The following KLHL29 variants were observed in gnomAD, a reference collection of about 807,000 sequenced individuals.
KLHL29 encodes the protein kelch-like protein 29.
KLHL29 carries 21 observed loss-of-function variants against 80.4 expected under a neutral mutation model. The ratio of observed to expected loss-of-function variants is 0.26; its 90% confidence interval spans 0.19 to 0.38. KLHL29 has a LOEUF of 0.38. Among genes scored for constraint, KLHL29 ranks in the 10% least tolerant of loss-of-function variants. The pLI is 1.00. For synonymous variants in KLHL29, 511 were observed against 526.8 expected (o/e 0.97, Z 0.41); for missense variants, 867 against 1,223.9 (o/e 0.71, Z 4.35).
At chr2:23,529,029 CCT>C (rs1253926150) in intron 2 of KLHL29, among the ~76,000 whole-genome samples, 2 of 152,202 alleles carry the variant, frequency 1.3e-5, no homozygotes, top group Non-Finnish European at 2.9e-5. Context: ...TCACTAGAAA[CCT>C]CTCTTTGGGG....
chr2:23,397,001 C>T (rs1666468425), intron 1 of KLHL29, among the ~76,000 whole-genome samples: 1 of 152,192 alleles, frequency 6.6e-6, no homozygotes, highest in Non-Finnish European at 1.5e-5. Flanking sequence ...GAGGCTTCCT[C>T]CCTGGCCCCA....
intron 2 of KLHL29, among the ~76,000 whole-genome samples, chr2:23,495,183 T>C (rs1476904687): frequency 2.0e-5 from 3 of 152,174 alleles, no homozygotes; most frequent in Non-Finnish European, 4.4e-5. Flanking sequence ...TCACTGTACC[T>C]GGCTGGAAAC....
intron 1 of KLHL29, among the ~76,000 whole-genome samples, chr2:23,402,512 C>T (rs548880047): frequency 9.1e-4 from 138 of 152,164 alleles, no homozygotes; most frequent in Non-Finnish European, 1.5e-3. Flanking sequence ...TCCCAGCGCC[C>T]CCATCCTTCC....
chr2:23,418,253 G>A (rs1662656027), intron 1 of KLHL29, among the ~76,000 whole-genome samples: 1 of 152,164 alleles, frequency 6.6e-6, no homozygotes, highest in South Asian at 2.1e-4. Flanking sequence ...CATGGAGCCA[G>A]GGCCTGATCC....
At position 23,638,085 on chromosome 2, in the gene KLHL29, T is replaced by TAAAAAA. The variant is rs553356362; in HGVS notation, c.286-1043_286-1038dup. ...TTCCTATTACATATAATGGCCATAG[T>TAAAAAA]AAAAAAAAAAAAAAAAGACAAATAC... On this transcript the variant is annotated intron_variant, in intron 3 of 13. Transcript: ENST00000486442. Among the ~76,000 whole-genome samples the TAAAAAA allele has an allele frequency of 1.6e-3, 175 of 111,574 alleles. 6 individuals are homozygous for TAAAAAA. Among genetic ancestry groups the TAAAAAA allele is most frequent in the African/African-American group, 3.9e-3 (115 of 29,594 alleles). The allele number at this position is 111,574 out of a possible 152,430, so 73.2% of individuals were successfully genotyped here. A position where few individuals can be genotyped will look rare whatever the true frequency, so the allele number is the denominator to read the frequency against.
intron 2 of KLHL29, among the ~76,000 whole-genome samples, chr2:23,496,841 G>A (rs1360523702): frequency 6.6e-6 from 1 of 152,222 alleles, no homozygotes; most frequent in Non-Finnish European, 1.5e-5. Flanking sequence ...TTCTGTGAGA[G>A]TCTCTCACAT....
At chr2:23,650,522 A>C (rs1289559243) in intron 5 of KLHL29, among the ~76,000 whole-genome samples, 1 of 152,186 alleles carries the variant, frequency 6.6e-6, no homozygotes, top group African/African-American at 2.4e-5. Context: ...TAGCCTCATC[A>C]GTCAGTGTTT....
rs1665656832 is a variant in KLHL29 at position 23,508,094 on chromosome 2, A to G, written c.-46+32427A>G. ...GCAGGGGCCTGGGTCTGAGGCCCCT[A>G]AGACCCCACGCTTAGGACAGGAAGG... On this transcript the variant is annotated intron_variant, in intron 2 of 13. Transcript: ENST00000486442. Among the ~76,000 whole-genome samples, 4 of 152,324 alleles carry G rather than the reference A, an allele frequency of 2.6e-5. No individual in the cohort carries two copies. In the South Asian group the frequency reaches 6.2e-4, roughly 24 times the overall value.
At chr2:23,578,994 A>G (rs1484632908) in intron 3 of KLHL29, among the ~76,000 whole-genome samples, 7 of 152,178 alleles carry the variant, frequency 4.6e-5, no homozygotes, top group Admixed American at 4.6e-4. Flanking sequence ...CATCGCCTCT[A>G]TCTGATGTTC....
At chr2:23,419,941 C>A (rs938639647) in intron 1 of KLHL29, among the ~76,000 whole-genome samples, 5 of 152,218 alleles carry the variant, frequency 3.3e-5, no homozygotes, top group Admixed American at 6.5e-5. Context: ...CCCTTCTCCC[C>A]ACTGAGCCAC....
intron 1 of KLHL29, among the ~76,000 whole-genome samples, chr2:23,435,308 G>A (rs546093005): frequency 4.6e-5 from 7 of 152,250 alleles, no homozygotes; most frequent in South Asian, 2.1e-4. Context: ...ACAGGGAGCC[G>A]TCTGGGGACT....
chr2:23,613,437 A>G (rs914221240), intron 3 of KLHL29, among the ~76,000 whole-genome samples: 1 of 152,194 alleles, frequency 6.6e-6, no homozygotes, highest in Non-Finnish European at 1.5e-5. Context: ...TGACTTTAAG[A>G]CAAGAAACAA....
intron 2 of KLHL29, among the ~76,000 whole-genome samples, chr2:23,561,593 C>T (rs1667449098): frequency 6.6e-6 from 1 of 152,192 alleles, no homozygotes; most frequent in Admixed American, 6.5e-5. Flanking sequence ...CTTTCTAGTA[C>T]TCGAACCTCA....
At chr2:23,520,298 G>A (rs1449563524) in intron 2 of KLHL29, among the ~76,000 whole-genome samples, 1 of 152,078 alleles carries the variant, frequency 6.6e-6, no homozygotes, top group African/African-American at 2.4e-5. Flanking sequence ...GCGCTTTCAT[G>A]GGCTCAGATA....
Position 23,682,316 on chromosome 2 carries a change from ACCCTGAGG to A in KLHL29, c.941-2081_941-2074del, listed in dbSNP as rs1445829371. Among the ~76,000 whole-genome samples the A allele has an allele frequency of 6.6e-6, 1 of 151,968 alleles. No individual in the cohort carries two copies. Among genetic ancestry groups the A allele is most frequent in the African/African-American group, 2.4e-5 (1 of 41,346 alleles). The stretch of plus-strand genomic sequence containing the variant: ...CTCATGGAACCTTCAACAAGTGTGG[ACCCTGAGG>A]CTCTGAGGATGTGGGTCCCCTTTCC... On this transcript the variant is annotated intron_variant, in intron 5 of 13. Coordinates refer to ENST00000486442, the MANE Select transcript of KLHL29 (RefSeq NM_052920.2). This position sits in a 1 kb window ranked among gnomAD's most constrained non-coding sequence, Gnocchi z 4.1.
At chr2:23,413,412 A>G (rs545287481) in intron 1 of KLHL29, among the ~76,000 whole-genome samples, 2 of 152,270 alleles carry the variant, frequency 1.3e-5, no homozygotes, top group South Asian at 2.1e-4. Context: ...GTGTCACCAT[A>G]TGGTCACTCC....
At chr2:23,423,584 TC>T (rs1662911360) in intron 1 of KLHL29, among the ~76,000 whole-genome samples, 1 of 152,154 alleles carries the variant, frequency 6.6e-6, no homozygotes, top group Admixed American at 6.5e-5. Flanking sequence ...AGTGCGTCAT[TC>T]CCCTACGACT....
intron 2 of KLHL29, among the ~76,000 whole-genome samples, chr2:23,477,736 C>T (rs895994650): frequency 1.3e-5 from 2 of 152,190 alleles, no homozygotes; most frequent in African/African-American, 4.8e-5. Flanking sequence ...GACAGCGCAG[C>T]GTCAGTTTGG....
At chr2:23,642,235 GT>G in intron 4 of KLHL29, 102 bp from the exon 5 acceptor site, 1 of 1,108,924 alleles carries the variant, frequency 9.0e-7, no homozygotes, top group Non-Finnish European at 1.2e-6. Flanking sequence ...CAGGTGTCTC[GT>G]TCCCCTCTGT....
Sources: allele counts gnomAD v4.1 joint callset (sites outside exome capture counted in the v4.1 genomes callset), GRCh38; gene constraint gnomAD v4.1.1; non-coding constraint Gnocchi (gnomAD v3.1); transcripts MANE v1.5; gene names NCBI Gene and HGNC (gene_info 2026-07-23, HGNC 2026-07-21).